Variants in EGFR observed in about 807,000 individuals in gnomAD.
The protein encoded by EGFR is epidermal growth factor receptor.
In EGFR, 58 loss-of-function variants were observed where a neutral mutation model predicts 143.0. The ratio of observed to expected loss-of-function variants is 0.41; its 90% CI spans 0.33 to 0.50. The LOEUF (loss-of-function observed/expected upper bound fraction) is 0.50, where lower values mean the gene tolerates loss of function less well. Ranked by LOEUF, EGFR falls within the 20% of genes least tolerant of loss-of-function variation. The pLI is 0.39. For missense variants in EGFR, 1,307 were observed against 1,579.0 expected (o/e 0.83, Z 2.92); for synonymous variants, 613 against 594.4 (o/e 1.03, Z -0.45).
chr7:55,167,125 ATGG>A (rs1196788114), intron 15 of EGFR, among the ~76,000 whole-genome samples: 1 of 133,140 alleles, frequency 7.5e-6, no homozygotes, highest in Non-Finnish European at 1.6e-5. Context: ...GTCAGTGTTG[ATGG>A]TGGCGATGGT....
In EGFR at chr7:55,172,995, G is replaced by T. The variant is rs367909827; in HGVS notation, c.1932G>T (p.Pro644=). 4 of 1,613,980 alleles carry T rather than the reference G, an allele frequency of 2.5e-6. No individual in the cohort carries two copies. In the Admixed American group the frequency reaches 5.0e-5, roughly 20 times the overall value. ...CACCTCATTCCAGGCCTAAGATCCCGTCCATCGCCACTGGGATGGTGGGGG... is the reference window on the plus strand; with the variant it reads ...CACCTCATTCCAGGCCTAAGATCCCTTCCATCGCCACTGGGATGGTGGGGG... ...EGCPTNGPKI[P]SIATGMVGAL... The change falls in exon 17 of 28, where the codon CCG becomes CCT. Residue 644 remains proline, a synonymous_variant. Transcript: ENST00000275493.
chr7:55,090,568 C>T (rs1791050975), intron 1 of EGFR, among the ~76,000 whole-genome samples: 1 of 152,148 alleles, frequency 6.6e-6, no homozygotes, highest in African/African-American at 2.4e-5. Flanking sequence ...GTAGAAAGCA[C>T]ATGATTTACT....
At chr7:55,173,163 C>T (rs1433057751) in intron 17 of EGFR, 39 bp downstream of exon 17, 2 of 1,602,440 alleles carry the variant, frequency 1.2e-6, no homozygotes, top group Non-Finnish European at 1.7e-6. Context: ...AGCCCTCGCA[C>T]CCCGACAGGA....
intron 1 of EGFR, among the ~76,000 whole-genome samples, chr7:55,079,249 C>A (rs185550685): frequency 3.5e-4 from 54 of 152,264 alleles, no homozygotes; most frequent in Admixed American, 3.2e-3. Context: ...GGGGTGTGGG[C>A]GGCCTGCAGA....
At position 55,157,861 on chromosome 7, in the gene EGFR, C is replaced by G. The variant is rs1785506915; in HGVS notation, c.1298+108C>G. 31 of 1,099,878 alleles carry G rather than the reference C, an allele frequency of 2.8e-5. No homozygotes were observed. The South Asian group carries it at 3.6e-4, about 13-fold the overall frequency. The allele number at this position is 1,099,878 out of a possible 1,614,324, so 68.1% of individuals were successfully genotyped here. ...TAGGGCACAGAGCTCCTGCATCTCT[C>G]GCCGGCATTCCCAAATGCTATCTCA... On this transcript the variant is annotated intron_variant, in intron 11 of 27. Transcript: ENST00000275493.
At chr7:55,023,158 C>G (rs770036103) in intron 1 of EGFR, among the ~76,000 whole-genome samples, 4 of 152,192 alleles carry the variant, frequency 2.6e-5, no homozygotes, top group Admixed American at 1.3e-4. Context: ...ACCTGCAACA[C>G]AGTGTGGCCC....
At chr7:55,190,310 A>G (rs1333596293) in intron 20 of EGFR, among the ~76,000 whole-genome samples, 1 of 152,188 alleles carries the variant, frequency 6.6e-6, no homozygotes, top group Non-Finnish European at 1.5e-5. Context: ...CCATGTAGTC[A>G]TGAGACGTGG....
At chr7:55,115,435 G>C (rs535200736) in intron 1 of EGFR, among the ~76,000 whole-genome samples, 1 of 152,310 alleles carries the variant, frequency 6.6e-6, no homozygotes, top group South Asian at 2.1e-4. Flanking sequence ...CTATTTTCAT[G>C]AGTTCGTTTT....
In EGFR at chr7:55,160,257, A is replaced by G. The variant is rs1389684767; in HGVS notation, c.1417A>G (p.Asn473Asp). 4 of 1,614,176 alleles carry G rather than the reference A, an allele frequency of 2.5e-6. No individual in the cohort carries two copies. The highest frequency in any genetic ancestry group is 1.6e-4 in the Middle Eastern group (1 of 6,062). Residue 473 changes from asparagine to aspartate, a missense_variant, in exon 12 of 28, where the codon AAT (asparagine) becomes GAT (aspartate). Coordinates refer to ENST00000275493, the MANE Select transcript of EGFR (RefSeq NM_005228.5). ...ISGNKNLCYA[N>D]TINWKKLFGT... ...AGGAAACAAAAATTTGTGCTATGCA[A>G]ATACAATAAACTGGAAAAAACTGTT...
chr7:55,187,969 C>A (rs766137721), intron 20 of EGFR, among the ~76,000 whole-genome samples: 7 of 152,154 alleles, frequency 4.6e-5, no homozygotes, highest in Non-Finnish European at 1.0e-4. Context: ...TCTGGCCTTG[C>A]CTGCCTCAGG....
intron 7 of EGFR, among the ~76,000 whole-genome samples, chr7:55,154,882 G>A (rs1310049179): frequency 1.3e-5 from 2 of 150,768 alleles, no homozygotes; most frequent in African/African-American, 2.5e-5. Context: ...TACCCTGCCA[G>A]ATTTGTGTAC....
At chr7:55,135,963 A>ATTTC (rs1441814904) in intron 1 of EGFR, among the ~76,000 whole-genome samples, 10 of 152,172 alleles carry the variant, frequency 6.6e-5, no homozygotes, top group Non-Finnish European at 1.2e-4. Flanking sequence ...ACTATGGAAA[A>ATTTC]CATAAAAACA....
intron 1 of EGFR, among the ~76,000 whole-genome samples, chr7:55,070,419 G>C (rs568316565): frequency 1.3e-5 from 2 of 152,088 alleles, no homozygotes; most frequent in Non-Finnish European, 2.9e-5. Context: ...ATTCATCTTC[G>C]GACAAATTGC....
intron 1 of EGFR, among the ~76,000 whole-genome samples, chr7:55,034,326 C>T (rs567842618): frequency 1.1e-4 from 16 of 152,326 alleles, no homozygotes; most frequent in African/African-American, 3.4e-4. Context: ...CTCCACCTTC[C>T]GGGTTCAAGT....
chr7:55,147,358 G>A (rs1359758560), intron 4 of EGFR, among the ~76,000 whole-genome samples: 4 of 152,234 alleles, frequency 2.6e-5, no homozygotes, highest in Non-Finnish European at 5.9e-5. Context: ...ACTCTGAGAC[G>A]CAAGCTCACA....
At chr7:55,131,216 T>C (rs748656602) in intron 1 of EGFR, among the ~76,000 whole-genome samples, 5 of 151,936 alleles carry the variant, frequency 3.3e-5, no homozygotes, top group Non-Finnish European at 5.9e-5. Context: ...CCCACTGACA[T>C]GTGCCAGTAA....
At chr7:55,134,452 T>C (rs1294364533) in intron 1 of EGFR, among the ~76,000 whole-genome samples, 1 of 152,230 alleles carries the variant, frequency 6.6e-6, no homozygotes, top group Non-Finnish European at 1.5e-5. Flanking sequence ...CCTTCCTCCG[T>C]CCAAAAGCCT....
At chr7:55,034,986 G>T (rs1787475631) in intron 1 of EGFR, among the ~76,000 whole-genome samples, 1 of 152,162 alleles carries the variant, frequency 6.6e-6, no homozygotes, top group African/African-American at 2.4e-5. Context: ...CCTTCCATGA[G>T]ATCCTAGAGG....
chr7:55,077,732 C>T (rs1790212660), intron 1 of EGFR, among the ~76,000 whole-genome samples: 3 of 152,040 alleles, frequency 2.0e-5, no homozygotes, highest in African/African-American at 7.3e-5. Flanking sequence ...GAGCGGGAGG[C>T]TTCTATGGGG....
Sources: allele counts gnomAD v4.1 joint callset (sites outside exome capture counted in the v4.1 genomes callset), GRCh38; gene constraint gnomAD v4.1.1; transcripts MANE v1.5; gene names NCBI Gene and HGNC (gene_info 2026-07-23, HGNC 2026-07-21).